The following HCN1 variants were observed in gnomAD, a reference collection of about 807,000 sequenced individuals.
HCN1 encodes the protein potassium/sodium hyperpolarization-activated cyclic nucleotide-gated channel 1.
Under a neutral mutation model 78.9 loss-of-function variants are expected in HCN1, and 13 were observed. The ratio of observed to expected loss-of-function variants is 0.16; its 90% CI spans 0.11 to 0.26. HCN1 has a LOEUF of 0.26. HCN1 is among the 10% of genes least tolerant of loss of function. The probability of loss-of-function intolerance (pLI) is 1.00; values close to 1 mark genes in which losing one functional copy is unlikely to be tolerated. For missense variants in HCN1, 810 were observed against 1,154.3 expected, an observed-to-expected ratio of 0.70 and a Z score of 4.32; for synonymous variants, 552 against 455.5, an observed-to-expected ratio of 1.21 and a Z score of -2.70.
At chr5:45,267,055 A>T (rs1159743600) in intron 7 of HCN1, 34 bp downstream of exon 7, 1 of 1,569,254 alleles carries the variant, frequency 6.4e-7, no homozygotes, top group Non-Finnish European at 8.8e-7. Context: ...CAGGAGATTA[A>T]ATTTTATATA....
rs3028840 is a variant in HCN1 at position 45,368,713 on chromosome 5, A to ACT, written c.1231-15468_1231-15467insAG. 6.4e-4 allele frequency among the ~76,000 whole-genome samples: 97 copies of ACT among 151,774 alleles called. 1 individual carries two copies. In the East Asian group the frequency reaches 0.011, roughly 17 times the overall value. ...TCCTTCATCAAAACCTCATCTTACTAGTGTTCTGCATATCAGATGAGTTTC... is the reference window on the plus strand; with the variant it reads ...TCCTTCATCAAAACCTCATCTTACTACTGTGTTCTGCATATCAGATGAGTTTC... On this transcript the variant is annotated intron_variant, in intron 4 of 7. Coordinates refer to ENST00000303230, the MANE Select transcript of HCN1 (RefSeq NM_021072.4).
At chr5:45,452,227 A>T (rs1314307679) in intron 3 of HCN1, among the ~76,000 whole-genome samples, 2 of 151,850 alleles carry the variant, frequency 1.3e-5, no homozygotes, top group Non-Finnish European at 2.9e-5. Flanking sequence ...GAGATACTGG[A>T]TGTAGAACAG....
Position 45,341,464 on chromosome 5 carries a change from TG to T in HCN1, c.1377+11635del, listed in dbSNP as rs374420290. Among the ~76,000 whole-genome samples the T allele has an allele frequency of 6.3e-4, 96 of 152,322 alleles. 1 individual carries two copies. The East Asian group carries it at 0.011, about 17-fold the overall frequency. ...TTTCAATGGAAGTTTTAAACAAATGTGATAAATATCCTGAAGCATTTCTTCA... is the reference window on the plus strand; with the variant it reads ...TTTCAATGGAAGTTTTAAACAAATGTATAAATATCCTGAAGCATTTCTTCA... On this transcript the variant is annotated intron_variant, in intron 5 of 7. Transcript: ENST00000303230.
chr5:45,307,358 T>A (rs565018771), intron 5 of HCN1, among the ~76,000 whole-genome samples: 1 of 152,198 alleles, frequency 6.6e-6, no homozygotes, highest in Non-Finnish European at 1.5e-5. Flanking sequence ...GCATTGAGCA[T>A]GGGGACTTCC....
chr5:45,397,606 G>T (rs1030035754), intron 3 of HCN1, among the ~76,000 whole-genome samples: 1 of 151,422 alleles, frequency 6.6e-6, no homozygotes, highest in Non-Finnish European at 1.5e-5. Context: ...TGAAAATGAG[G>T]GGGCTCTGGT....
chr5:45,314,587 G>T lies in HCN1; in HGVS notation c.1378-10748C>A, dbSNP rs552077445. 6.6e-5 allele frequency among the ~76,000 whole-genome samples: 10 copies of T among 152,222 alleles called. No individual in the cohort carries two copies. In the East Asian group the frequency reaches 1.9e-3, roughly 30 times the overall value. On this transcript the variant is annotated intron_variant, in intron 5 of 7. Coordinates refer to ENST00000303230, the MANE Select transcript of HCN1 (RefSeq NM_021072.4). ...ACTGGCAAATTGGATAAAAAGTCAA[G>T]ACCCATCAGTGTGCTATATTCAGGA...
intron 5 of HCN1, among the ~76,000 whole-genome samples, chr5:45,322,139 A>C (rs1410138510): frequency 6.6e-6 from 1 of 152,004 alleles, no homozygotes; most frequent in African/African-American, 2.4e-5. Context: ...TTAAGAGACA[A>C]CTGGAGTCTT....
intron 5 of HCN1, among the ~76,000 whole-genome samples, chr5:45,321,353 A>T (rs1746122214): frequency 1.3e-5 from 2 of 151,986 alleles, no homozygotes; most frequent in South Asian, 4.1e-4. Context: ...TTTCTTCAAC[A>T]TATGCAGAAG....
intron 2 of HCN1, among the ~76,000 whole-genome samples, chr5:45,531,055 C>T (rs972607691): frequency 2.0e-5 from 3 of 149,382 alleles, no homozygotes. Flanking sequence ...TGCTAACACA[C>T]ATACACACAC....
intron 4 of HCN1, among the ~76,000 whole-genome samples, chr5:45,374,060 T>G (rs1579851317): frequency 9.2e-6 from 1 of 108,456 alleles, no homozygotes. Context: ...ATATATTATA[T>G]ATATAATATA....
At chr5:45,313,537 GAGA>G (rs1745906635) in intron 5 of HCN1, among the ~76,000 whole-genome samples, 1 of 152,306 alleles carries the variant, frequency 6.6e-6, no homozygotes, top group Admixed American at 6.5e-5. Flanking sequence ...GATGAGTTGA[GAGA>G]AGAAGGCTTC....
At chr5:45,623,666 A>C (rs1745110860) in intron 2 of HCN1, among the ~76,000 whole-genome samples, 2 of 152,206 alleles carry the variant, frequency 1.3e-5, no homozygotes, top group African/African-American at 4.8e-5. Flanking sequence ...TCAACAAATA[A>C]TGACTATAAA....
At chr5:45,640,798 C>T (rs1003374124) in intron 2 of HCN1, among the ~76,000 whole-genome samples, 3 of 150,196 alleles carry the variant, frequency 2.0e-5, no homozygotes, top group Admixed American at 1.3e-4. Flanking sequence ...TGGTCTCGAA[C>T]TCCTGACTTC....
chr5:45,305,815 A>C (rs1561097290), intron 5 of HCN1, among the ~76,000 whole-genome samples: 3 of 147,558 alleles, frequency 2.0e-5, no homozygotes, highest in African/African-American at 7.5e-5. Context: ...GGAATGAAGG[A>C]AGCAAGGAAA....
intron 1 of HCN1, among the ~76,000 whole-genome samples, chr5:45,689,686 T>C (rs1739871197): frequency 6.6e-6 from 1 of 152,094 alleles, no homozygotes. Flanking sequence ...TGGCATGTAA[T>C]GAGGCTGCAT....
chr5:45,325,047 G>T (rs1746208188), intron 5 of HCN1, among the ~76,000 whole-genome samples: 1 of 151,600 alleles, frequency 6.6e-6, no homozygotes, highest in Non-Finnish European at 1.5e-5. Flanking sequence ...GTACAATGTA[G>T]GACCAATCTG....
At chr5:45,609,769 T>G (rs747983735) in intron 2 of HCN1, among the ~76,000 whole-genome samples, 20 of 151,966 alleles carry the variant, frequency 1.3e-4, no homozygotes, top group Non-Finnish European at 2.2e-4. Context: ...TAAACAAAAT[T>G]TAAGGAAGTT....
chr5:45,511,193 G>C (rs1171196278), intron 2 of HCN1, among the ~76,000 whole-genome samples: 1 of 151,882 alleles, frequency 6.6e-6, no homozygotes, highest in Non-Finnish European at 1.5e-5. Context: ...TGTATTATTA[G>C]AATATAAGCC....
intron 2 of HCN1, among the ~76,000 whole-genome samples, chr5:45,486,568 G>A (rs1361244812): frequency 6.6e-6 from 1 of 151,886 alleles, no homozygotes; most frequent in East Asian, 1.9e-4. Flanking sequence ...CCTTCATGTG[G>A]CCATCACGTT....
Sources: gnomAD v4.1 joint callset for allele counts (sites outside exome capture counted in the v4.1 genomes callset) on GRCh38, gnomAD v4.1.1 for gene constraint, MANE v1.5 for transcripts, NCBI Gene and HGNC (gene_info 2026-07-23, HGNC 2026-07-21) for gene names.